The following SERHL2 variants were observed in gnomAD, a reference collection of about 807,000 sequenced individuals.
SERHL2 encodes the protein serine hydrolase-like protein 2.
Under a neutral mutation model 25.5 loss-of-function variants are expected in SERHL2, and 29 were observed. The ratio of observed to expected loss-of-function variants is 1.14; its 90% CI spans 0.85 to 1.55. SERHL2 has a LOEUF of 1.55. Ranked by LOEUF, SERHL2 falls within the 40% of genes most tolerant of loss-of-function variation. The pLI, the probability that SERHL2 is intolerant of heterozygous loss-of-function variation, is 0.00. For missense variants in SERHL2, 240 were observed against 252.3 expected, an observed-to-expected ratio of 0.95 and a Z score of 0.33; for synonymous variants, 95 against 103.5, an observed-to-expected ratio of 0.92 and a Z score of 0.50.
chr22:42,570,882 G>A (rs1193889734), intron 9 of SERHL2, among the ~76,000 whole-genome samples: 4 of 151,992 alleles, frequency 2.6e-5, no homozygotes, highest in African/African-American at 9.7e-5. Flanking sequence ...ATGGAGTCAG[G>A]CTGGGTAGCC....
intron 9 of SERHL2, 42 bp downstream of exon 9, chr22:42,566,380 G>C: frequency 6.2e-7 from 1 of 1,603,126 alleles, no homozygotes; most frequent in Non-Finnish European, 8.5e-7. Flanking sequence ...AGGTTTGCCT[G>C]TTAGCGTCTT....
At chr22:42,559,858 C>T (rs1389940094) in intron 7 of SERHL2, among the ~76,000 whole-genome samples, 2 of 151,982 alleles carry the variant, frequency 1.3e-5, no homozygotes, top group East Asian at 1.9e-4. Flanking sequence ...GTTCCCCAGG[C>T]TAGAGTGCAG....
At chr22:42,565,691 T>G (rs1923284230) in intron 8 of SERHL2, among the ~76,000 whole-genome samples, 1 of 151,744 alleles carries the variant, frequency 6.6e-6, no homozygotes, top group Non-Finnish European at 1.5e-5. Context: ...TGGTCTCAAG[T>G]GATCCTCCCA....
At chr22:42,567,003 C>CT (rs1377554767) in intron 9 of SERHL2, among the ~76,000 whole-genome samples, 1 of 151,886 alleles carries the variant, frequency 6.6e-6, no homozygotes, top group East Asian at 1.9e-4. Context: ...CTAGGGGAGC[C>CT]AAGCCCTGGG....
intron 8 of SERHL2, among the ~76,000 whole-genome samples, chr22:42,564,825 T>C (rs1209324945): frequency 6.6e-6 from 1 of 151,818 alleles, no homozygotes; most frequent in Non-Finnish European, 1.5e-5. Flanking sequence ...TGAGACAGGG[T>C]CTTGCTGTGT....
In SERHL2 at chr22:42,564,258, T is replaced by C. The variant is rs943640473; in HGVS notation, c.614-2046T>C. On this transcript the variant is annotated intron_variant, in intron 8 of 11. Transcript: ENST00000327678. ...GCATCTGACTTCATCTTTTTCCAGATGGCTCCTCAGGTGCCTAATGCCATT... is the reference window on the plus strand; with the variant it reads ...GCATCTGACTTCATCTTTTTCCAGACGGCTCCTCAGGTGCCTAATGCCATT... 5.3e-5 allele frequency among the ~76,000 whole-genome samples: 8 copies of C among 151,630 alleles called. No individual in the cohort carries two copies. The East Asian group carries it at 1.3e-3, about 26-fold the overall frequency.
At chr22:42,564,904 C>T (rs1923138930) in intron 8 of SERHL2, 1 of 151,404 alleles carries the variant, frequency 6.6e-6, no homozygotes, top group African/African-American at 2.4e-5. Context: ...CTCAAAGAAC[C>T]CTTCCACTTG....
intron 8 of SERHL2, among the ~76,000 whole-genome samples, chr22:42,560,829 G>A (rs1294574079): frequency 3.3e-5 from 5 of 151,856 alleles, no homozygotes; most frequent in Admixed American, 6.6e-5. Context: ...TCCACCTCCC[G>A]GGCTCCAGAG....
In SERHL2 at chr22:42,560,170, T is replaced by G; in HGVS notation, c.534-16T>G. 6.2e-7 allele frequency: 1 copy of G among 1,605,518 alleles called. No homozygotes were observed. The highest frequency in any genetic ancestry group is 8.5e-7 in the Non-Finnish European group (1 of 1,172,538). On this transcript the variant is annotated splice_polypyrimidine_tract_variant and intron_variant, in intron 7 of 11. Coordinates refer to ENST00000327678, the MANE Select transcript of SERHL2 (RefSeq NM_014509.5). Reference sequence around the variant, plus strand: ...ATTGGCCTCCAGGCACCCAGCATCCTTCTGTCTCCCCCCAGGTTACTGAAG... The same window carrying G: ...ATTGGCCTCCAGGCACCCAGCATCCGTCTGTCTCCCCCCAGGTTACTGAAG...
chr22:42,568,816 A>T (rs1434923039), intron 9 of SERHL2, among the ~76,000 whole-genome samples: 2 of 151,820 alleles, frequency 1.3e-5, no homozygotes, highest in Non-Finnish European at 2.9e-5. Context: ...AAATACAAAA[A>T]TTAGCCGGGT....
chr22:42,563,599 G>A lies in SERHL2; in HGVS notation c.614-2705G>A, dbSNP rs1922974353. 4 of 184,540 alleles carry A rather than the reference G, an allele frequency of 2.2e-5. No homozygotes were observed. In the South Asian group the frequency reaches 3.1e-4, roughly 14 times the overall value. The allele number at this position is 184,540 out of a possible 1,614,324, so 11.4% of individuals were successfully genotyped here. A position where few individuals can be genotyped will look rare whatever the true frequency, so the allele number is the denominator to read the frequency against. On this transcript the variant is annotated intron_variant, in intron 8 of 11. Transcript: ENST00000327678. ...TTTCTCATAAGCTGGACTGCATACA[G>A]GTTGCAGATAATAATTTGTTTAACT...
chr22:42,570,867 G>A (rs955117875), intron 9 of SERHL2, among the ~76,000 whole-genome samples: 4 of 152,060 alleles, frequency 2.6e-5, no homozygotes, highest in Non-Finnish European at 5.9e-5. Context: ...AAAGGAGTAT[G>A]GGAAATGGAG....
intron 10 of SERHL2, 112 bp downstream of exon 10, chr22:42,571,315 C>G (rs199869373): frequency 2.6e-6 from 4 of 1,541,446 alleles, no homozygotes; most frequent in South Asian, 2.4e-5. Context: ...TCGACCACAT[C>G]GCTAAGGCTC....
chr22:42,563,248 G>A (rs1181714351), intron 8 of SERHL2: 1 of 169,914 alleles, frequency 5.9e-6, no homozygotes, highest in African/African-American at 2.4e-5. Flanking sequence ...CTGTCACTCA[G>A]GCTGGAATGC....
In SERHL2 at chr22:42,572,454, T is replaced by A. The variant is rs376090703; in HGVS notation, c.750T>A (p.Phe250Leu). The A allele has an allele frequency of 1.9e-6, 3 of 1,611,044 alleles. No individual in the cohort carries two copies. In the South Asian group the frequency reaches 3.3e-5, roughly 18 times the overall value. ...VLLIKAVHGY[F>L]DSRQNYSEKE... is the part of the protein sequence containing the mutation. Reference sequence around the variant, plus strand: ...TTTCCAGAGCAGTCCACGGATATTTTGATTCAAGACAGAATTACTCTGAGA... The same window carrying A: ...TTTCCAGAGCAGTCCACGGATATTTAGATTCAAGACAGAATTACTCTGAGA... Residue 250 changes from phenylalanine (F) to leucine (L), a missense_variant, in exon 11 of 12, where the codon TTT becomes TTA. Phe to Leu is a conservative substitution (Grantham distance 22). Coordinates refer to ENST00000327678, the MANE Select transcript of SERHL2 (RefSeq NM_014509.5).
chr22:42,569,915 G>C (rs976845537), intron 9 of SERHL2: 4 of 151,826 alleles, frequency 2.6e-5, no homozygotes, highest in Admixed American at 2.0e-4. Context: ...GGAGTATCGG[G>C]TGTAACTTAG....
At chr22:42,566,154 A>AG in intron 8 of SERHL2, 150 bp from the exon 9 acceptor site, 1 of 703,074 alleles carries the variant, frequency 1.4e-6, no homozygotes, top group Non-Finnish European at 2.4e-6. Flanking sequence ...ACCCCAGGAC[A>AG]GGGAGTCCTG....
chr22:42,572,624 T>G (rs1340527213), intron 11 of SERHL2, 95 bp downstream of exon 11: 1 of 1,518,252 alleles, frequency 6.6e-7, no homozygotes, highest in African/African-American at 1.4e-5. Flanking sequence ...AGACCCTGGG[T>G]CTGCCCCCAG....
At chr22:42,560,150 C>T (rs541526264) in intron 7 of SERHL2, 36 bp from the exon 8 acceptor site, 72 of 1,536,130 alleles carry the variant, frequency 4.7e-5, no homozygotes, top group South Asian at 3.5e-4. Context: ...TTTTTATTGG[C>T]CTCCAGGCAC....
Sources: gnomAD v4.1 joint callset for allele counts (sites outside exome capture counted in the v4.1 genomes callset) on GRCh38, gnomAD v4.1.1 for gene constraint, MANE v1.5 for transcripts, NCBI Gene and HGNC (gene_info 2026-07-23, HGNC 2026-07-21) for gene names.